The following RFC3 variants were observed in gnomAD, a reference collection of about 807,000 sequenced individuals.
RFC3 encodes the protein A1 38 kDa subunit.
A neutral mutation model predicts 45.1 loss-of-function variants in RFC3; 41 were observed. The observed-to-expected ratio is 0.91, with a 90% CI of 0.71 to 1.18. The LOEUF (loss-of-function observed/expected upper bound fraction) is 1.18. RFC3 is among the 50% of genes most tolerant of loss of function. RFC3 has a pLI of 0.00. For missense variants in RFC3, 423 were observed against 428.1 expected (o/e 0.99, Z 0.10); for synonymous variants, 149 against 144.0 (o/e 1.03, Z -0.25).
At chr13:33,881,462 C>G (rs181005113) in intron 8 of RFC3, among the ~76,000 whole-genome samples, 1 of 152,322 alleles carries the variant, frequency 6.6e-6, no homozygotes, top group African/African-American at 2.4e-5. Flanking sequence ...CTTCATCTTC[C>G]TGTCCATCAC....
At chr13:33,889,751 A>G (rs905638697) in intron 8 of RFC3, among the ~76,000 whole-genome samples, 2 of 151,868 alleles carry the variant, frequency 1.3e-5, no homozygotes, top group African/African-American at 2.4e-5. Flanking sequence ...CCACTATTCT[A>G]CTCTCTACTG....
intron 8 of RFC3, chr13:33,850,819 A>G (rs1441958250): frequency 6.6e-6 from 1 of 152,194 alleles, no homozygotes; most frequent in African/African-American, 2.4e-5. Flanking sequence ...AAAGGATTTG[A>G]AAACTTGGTG....
intron 8 of RFC3, among the ~76,000 whole-genome samples, chr13:33,880,355 T>C (rs1214945448): frequency 6.6e-6 from 1 of 152,104 alleles, no homozygotes; most frequent in Non-Finnish European, 1.5e-5. Flanking sequence ...AAGGTGCCCA[T>C]TGAGAAATAG....
intron 8 of RFC3, among the ~76,000 whole-genome samples, chr13:33,954,221 A>G (rs2137840787): frequency 6.6e-6 from 1 of 152,328 alleles, no homozygotes; most frequent in East Asian, 1.9e-4. Context: ...TTTGGGGGAA[A>G]AGAATGGAAT....
downstream of RFC3, among the ~76,000 whole-genome samples, chr13:33,970,080 C>T (rs1324885181): frequency 2.0e-5 from 3 of 152,044 alleles, no homozygotes; most frequent in Non-Finnish European, 4.4e-5. Flanking sequence ...GATGCTCTTC[C>T]TCCTCCCACC....
chr13:33,818,420 G>A (rs911943631), intron 1 of RFC3, among the ~76,000 whole-genome samples, 155 bp downstream of exon 1: 7 of 152,252 alleles, frequency 4.6e-5, no homozygotes, highest in Non-Finnish European at 1.0e-4. Context: ...GGTGTGGGAG[G>A]CTGGCTTGTA....
At position 33,826,545 on chromosome 13, in the gene RFC3, G is replaced by C. The variant is rs984645076; in HGVS notation, c.391+659G>C. ...ATTTTTATTGTTTTGTGAATTCGCT[G>C]TACATATTCTCAGCTGATTTCTTTC... is the stretch of plus-strand genomic sequence containing the variant. On this transcript the variant is annotated intron_variant, in intron 4 of 8. Coordinates refer to ENST00000380071, the MANE Select transcript of RFC3 (RefSeq NM_002915.4). 2.6e-5 allele frequency among the ~76,000 whole-genome samples: 4 copies of C among 152,018 alleles called. No homozygotes were observed. The East Asian group carries it at 7.7e-4, about 29-fold the overall frequency.
At chr13:33,954,420 A>T (rs1001838884) in intron 8 of RFC3, among the ~76,000 whole-genome samples, 2 of 152,206 alleles carry the variant, frequency 1.3e-5, no homozygotes, top group Non-Finnish European at 2.9e-5. Flanking sequence ...CTTCCTTTAC[A>T]GTGCTTGGAC....
chr13:33,917,005 A>T lies in RFC3; in HGVS notation c.880-49082A>T, dbSNP rs1230711383. Among the ~76,000 whole-genome samples the T allele has an allele frequency of 4.6e-5, 7 of 152,286 alleles. No individual in the cohort carries two copies. In the South Asian group the frequency reaches 8.3e-4, roughly 18 times the overall value. ...TTTCTAAATGAGTGCAGGAGACTTC[A>T]GAAATATTACTGTGCTAAATTTCAA... On this transcript the variant is annotated intron_variant, in intron 8 of 8. Coordinates refer to the RFC3 transcript ENST00000434425.
intron 8 of RFC3, among the ~76,000 whole-genome samples, chr13:33,948,961 T>C (rs1394986160): frequency 4.6e-5 from 7 of 152,154 alleles, no homozygotes; most frequent in East Asian, 3.9e-4. Flanking sequence ...CTTGGACTTT[T>C]GGGTTAATGC....
At chr13:33,848,435 G>T (rs2082254369) in intron 8 of RFC3, 1 of 152,180 alleles carries the variant, frequency 6.6e-6, no homozygotes, top group Admixed American at 6.5e-5. Flanking sequence ...GACATGAGGT[G>T]CTTTTCCTAA....
intron 8 of RFC3, among the ~76,000 whole-genome samples, chr13:33,890,129 G>A (rs148438875): frequency 2.0e-5 from 3 of 152,256 alleles, no homozygotes; most frequent in East Asian, 3.9e-4. Context: ...TAAAGTCTCC[G>A]AGGGTGTTGA....
intron 8 of RFC3, among the ~76,000 whole-genome samples, chr13:33,948,382 G>A (rs187062522): frequency 6.6e-6 from 1 of 152,360 alleles, no homozygotes; most frequent in African/African-American, 2.4e-5. Flanking sequence ...GTATGGAAAC[G>A]CTTGGATGTT....
At chr13:33,892,450 A>T (rs939092228) in intron 8 of RFC3, among the ~76,000 whole-genome samples, 1 of 152,188 alleles carries the variant, frequency 6.6e-6, no homozygotes, top group African/African-American at 2.4e-5. Context: ...AACTGTAAGC[A>T]TTCCAAAGCT....
chr13:33,969,061 A>G (rs2137882210), downstream of RFC3, among the ~76,000 whole-genome samples: 1 of 152,330 alleles, frequency 6.6e-6, no homozygotes, highest in East Asian at 1.9e-4. Context: ...AAGAAGTTAC[A>G]CACGTTTCAA....
intron 8 of RFC3, among the ~76,000 whole-genome samples, chr13:33,864,815 T>A (rs2082362811): frequency 6.6e-6 from 1 of 152,032 alleles, no homozygotes; most frequent in Non-Finnish European, 1.5e-5. Flanking sequence ...CAACATGAGA[T>A]TTGGAGGGGA....
chr13:33,871,418 C>T (rs548611266), intron 8 of RFC3, among the ~76,000 whole-genome samples: 8 of 152,272 alleles, frequency 5.3e-5, no homozygotes, highest in African/African-American at 7.2e-5. Flanking sequence ...ATCCCTTCCT[C>T]GTATCCCTCC....
At chr13:33,866,782 C>G (rs1194503469) in intron 8 of RFC3, among the ~76,000 whole-genome samples, 1 of 152,158 alleles carries the variant, frequency 6.6e-6, no homozygotes, top group South Asian at 2.1e-4. Flanking sequence ...TCCAATGGCT[C>G]TAATCTAGAC....
Position 33,835,184 on chromosome 13 carries a change from A to G in RFC3, c.846A>G (p.Leu282=). The change falls in exon 8 of 9, where the codon CTA becomes CTG. Residue 282 remains leucine (L), a synonymous_variant. Coordinates refer to ENST00000380071, the MANE Select transcript of RFC3 (RefSeq NM_002915.4). The part of the protein sequence containing the change: ...LEVRGRLYEL[L]THCIPPEIIM... Reference sequence around the variant, plus strand: ...TTCGTGGAAGGCTGTATGAGCTTCTAACTCATTGTATTCCTCCTGAGATAA... The same window carrying G: ...TTCGTGGAAGGCTGTATGAGCTTCTGACTCATTGTATTCCTCCTGAGATAA... 1 of 1,610,146 alleles carries G rather than the reference A, an allele frequency of 6.2e-7. No homozygotes were observed. The highest frequency in any genetic ancestry group is 1.7e-4 in the Middle Eastern group (1 of 6,046).
Sources: allele counts gnomAD v4.1 joint callset (sites outside exome capture counted in the v4.1 genomes callset), GRCh38; gene constraint gnomAD v4.1.1; transcripts MANE v1.5; gene names NCBI Gene and HGNC (gene_info 2026-07-23, HGNC 2026-07-21).